Variants in MYO1E observed in about 807,000 individuals in gnomAD.
MYO1E encodes unconventional myosin-Ie.
Under a neutral mutation model 151.1 loss-of-function variants are expected in MYO1E, and 68 were observed. That is an observed-to-expected ratio of 0.45 (90% confidence interval 0.37 to 0.55). The LOEUF (loss-of-function observed/expected upper bound fraction) is 0.55. Among genes scored for constraint, MYO1E ranks in the 20% least tolerant of loss-of-function variants. MYO1E has a pLI of 0.00. For synonymous variants in MYO1E, 601 were observed against 501.7 expected (o/e 1.20, Z -2.64); for missense variants, 1,363 against 1,389.3 (o/e 0.98, Z 0.30).
rs141746253 is a variant in MYO1E at position 59,140,457 on chromosome 15, A to G, written c.3081-2090T>C. Among the ~76,000 whole-genome samples the G allele has an allele frequency of 1.1e-4, 17 of 152,360 alleles. No individual in the cohort carries two copies. In the East Asian group the frequency reaches 1.7e-3, roughly 16 times the overall value. On this transcript the variant is annotated intron_variant, in intron 26 of 27. Transcript: ENST00000288235. ...CTTCGCTTAAGGACAAACCAAAGTA[A>G]AGGCTACATTCATTTCCCTACAAAA...
intron 18 of MYO1E, 88 bp downstream of exon 18, chr15:59,188,030 C>T (rs997743784): frequency 1.1e-5 from 11 of 979,036 alleles, no homozygotes; most frequent in East Asian, 2.4e-5. Context: ...GCCATTGACT[C>T]GTACGCTTGA....
At chr15:59,275,738 G>A (rs1205622833) in intron 1 of MYO1E, among the ~76,000 whole-genome samples, 1 of 152,164 alleles carries the variant, frequency 6.6e-6, no homozygotes, top group Admixed American at 6.5e-5. Flanking sequence ...AGGACAAGGT[G>A]GATCAATGAA....
At chr15:59,218,209 C>G (rs764574740) in intron 9 of MYO1E, 122 bp from the exon 10 acceptor site, 1 of 1,190,912 alleles carries the variant, frequency 8.4e-7, no homozygotes, top group Non-Finnish European at 1.2e-6. Context: ...GGCACAATCA[C>G]GGGCCCCAAG....
intron 24 of MYO1E, among the ~76,000 whole-genome samples, chr15:59,160,408 T>C (rs1222452741): frequency 5.3e-5 from 8 of 150,554 alleles, no homozygotes; most frequent in Admixed American, 5.3e-4. Context: ...TTTCATCTTC[T>C]TTTTTTTAAT....
chr15:59,256,494 C>T (rs2080194727), intron 3 of MYO1E, 116 bp from the exon 4 acceptor site: 3 of 542,628 alleles, frequency 5.5e-6, no homozygotes, highest in African/African-American at 1.9e-5. Context: ...GGAAACGAAT[C>T]GTGCACTATA....
intron 1 of MYO1E, among the ~76,000 whole-genome samples, chr15:59,346,684 T>C (rs187123337): frequency 1.3e-3 from 205 of 152,186 alleles, no homozygotes; most frequent in Middle Eastern, 6.8e-3. Flanking sequence ...CCCAGCACTT[T>C]TGGAGGATCA....
intron 26 of MYO1E, among the ~76,000 whole-genome samples, chr15:59,152,647 A>G (rs1435090854): frequency 6.6e-6 from 1 of 152,218 alleles, no homozygotes; most frequent in African/African-American, 2.4e-5. Flanking sequence ...TTTTATGTAT[A>G]TAATTTCTAG....
At chr15:59,154,031 TTTAA>T (rs1470950602) in intron 25 of MYO1E, among the ~76,000 whole-genome samples, 1 of 152,206 alleles carries the variant, frequency 6.6e-6, no homozygotes, top group African/African-American at 2.4e-5. Context: ...ATTGTATGTA[TTTAA>T]CATGTACAAC....
chr15:59,333,088 C>T (rs1197298855), intron 1 of MYO1E, among the ~76,000 whole-genome samples: 1 of 152,198 alleles, frequency 6.6e-6, no homozygotes, highest in Non-Finnish European at 1.5e-5. Flanking sequence ...ATCTCACTAG[C>T]TGACAGTTGC....
At chr15:59,232,047 C>G (rs568271400) in intron 5 of MYO1E, among the ~76,000 whole-genome samples, 22 of 152,276 alleles carry the variant, frequency 1.4e-4, no homozygotes, top group Non-Finnish European at 2.5e-4. Flanking sequence ...CAATCAGGAA[C>G]TATTCATACA....
chr15:59,192,733 G>A (rs1340302093), intron 17 of MYO1E, among the ~76,000 whole-genome samples: 1 of 152,226 alleles, frequency 6.6e-6, no homozygotes, highest in East Asian at 1.9e-4. Context: ...CAATACCTCT[G>A]CTTCCAAGAC....
chr15:59,186,009 T>A (rs1728164064), intron 18 of MYO1E, among the ~76,000 whole-genome samples: 1 of 152,238 alleles, frequency 6.6e-6, no homozygotes, highest in Admixed American at 6.5e-5. Context: ...GTCTCATAAC[T>A]AACATCTCAG....
chr15:59,288,811 C>G (rs1467820642), intron 1 of MYO1E, among the ~76,000 whole-genome samples: 10 of 152,122 alleles, frequency 6.6e-5, no homozygotes, highest in African/African-American at 2.4e-4. Context: ...GGATCCGCCA[C>G]AGAAAAGAAG....
At chr15:59,174,918 G>A (rs564185533) in intron 19 of MYO1E, among the ~76,000 whole-genome samples, 1 of 152,260 alleles carries the variant, frequency 6.6e-6, no homozygotes, top group African/African-American at 2.4e-5. Flanking sequence ...GGTCTTGAGA[G>A]TCCGGCCATT....
chr15:59,215,180 C>T (rs1183961443), intron 10 of MYO1E, among the ~76,000 whole-genome samples: 1 of 152,084 alleles, frequency 6.6e-6, no homozygotes, highest in Admixed American at 6.6e-5. Context: ...AACCCTTGTT[C>T]CTAGGCGCTT....
intron 1 of MYO1E, among the ~76,000 whole-genome samples, chr15:59,349,698 T>C (rs2080813414): frequency 6.6e-6 from 1 of 152,198 alleles, no homozygotes; most frequent in African/African-American, 2.4e-5. Flanking sequence ...ACATCTGCCA[T>C]CCATCCCTCC....
At chr15:59,204,878 T>C (rs1279525631) in intron 15 of MYO1E, among the ~76,000 whole-genome samples, 1 of 152,164 alleles carries the variant, frequency 6.6e-6, no homozygotes, top group Non-Finnish European at 1.5e-5. Context: ...GTTCCACTCT[T>C]AAATAGTCAG....
At chr15:59,215,571 G>A (rs1286294992) in intron 10 of MYO1E, among the ~76,000 whole-genome samples, 4 of 152,118 alleles carry the variant, frequency 2.6e-5, no homozygotes, top group Admixed American at 1.3e-4. Context: ...CAGTGGGGGA[G>A]GAATGTAAGC....
chr15:59,246,209 C>T lies in MYO1E; in HGVS notation c.333-9537G>A, dbSNP rs113489818. 5.4e-3 allele frequency among the ~76,000 whole-genome samples: 822 copies of T among 152,236 alleles called. 22 individuals are homozygous for T. In the East Asian group the frequency reaches 0.077, roughly 14 times the overall value. On this transcript the variant is annotated intron_variant, in intron 4 of 27. Transcript: ENST00000288235. ...CTTGGCTCACTGCAACCTCTGCCTC[C>T]TGGGTTCAAGTGATTCTCCTGCCTC...
Sources: gnomAD v4.1 joint callset for allele counts (sites outside exome capture counted in the v4.1 genomes callset) on GRCh38, gnomAD v4.1.1 for gene constraint, MANE v1.5 for transcripts, NCBI Gene and HGNC (gene_info 2026-07-23, HGNC 2026-07-21) for gene names.